Variants in VSIG1 observed in about 807,000 individuals in gnomAD.
VSIG1 encodes the protein V-set and immunoglobulin domain containing 1.
VSIG1 carries 11 observed loss-of-function variants against 20.1 expected under a neutral mutation model. The ratio of observed to expected loss-of-function variants is 0.55; its 90% CI spans 0.34 to 0.91. The LOEUF (loss-of-function observed/expected upper bound fraction) is 0.91, where lower values mean the gene tolerates loss of function less well. VSIG1 is among the 40% of genes least tolerant of loss of function. The probability of loss-of-function intolerance (pLI) is 0.02; values close to 1 mark genes in which losing one functional copy is unlikely to be tolerated. For synonymous variants in VSIG1, 126 were observed against 116.7 expected (o/e 1.08, Z -0.52); for missense variants, 283 against 298.8 (o/e 0.95, Z 0.39).
upstream of VSIG1, chrX:108,044,908 A>T: frequency 6.7e-6 from 2 of 297,596 alleles, no homozygotes; most frequent in Non-Finnish European, 1.2e-5. Context: ...CACAGTAGCA[A>T]ATATATCAAG....
At chrX:108,062,037 C>T (rs376255057) in intron 2 of VSIG1, among the ~76,000 whole-genome samples, 8 of 110,052 alleles carry the variant, frequency 7.3e-5, no homozygotes, top group East Asian at 2.9e-4. Flanking sequence ...AGCAGGGAAT[C>T]TCAGCTGAAA....
intron 5 of VSIG1, chrX:108,073,940 A>G (rs891992376): frequency 1.8e-5 from 2 of 111,682 alleles, no homozygotes; most frequent in Non-Finnish European, 3.8e-5. Flanking sequence ...TGACTTGCCC[A>G]AGGTCATCCA....
At chrX:108,041,402 T>C (rs1402083451), upstream of VSIG1, among the ~76,000 whole-genome samples, 1 of 111,865 alleles carries the variant, frequency 8.9e-6, no homozygotes, top group Admixed American at 9.5e-5. Context: ...TATCATGAAA[T>C]ACCATGCAGC....
At chrX:108,070,146 C>T (rs192087218) in intron 3 of VSIG1, among the ~76,000 whole-genome samples, 9 of 112,557 alleles carry the variant, frequency 8.0e-5, no homozygotes, top group East Asian at 2.8e-4. Flanking sequence ...ATCTACCTTC[C>T]GCAATTTGGC....
At chrX:108,043,339 A>G (rs1394190378), upstream of VSIG1, among the ~76,000 whole-genome samples, 1 of 111,852 alleles carries the variant, frequency 8.9e-6, no homozygotes, top group Non-Finnish European at 1.9e-5. Context: ...GCGTGCAGTC[A>G]ACGAGTTTAC....
chrX:108,026,570 T>C, the VSIG1 span, among the ~76,000 whole-genome samples: 1 of 111,462 alleles, frequency 9.0e-6, no homozygotes, highest in East Asian at 2.8e-4. Flanking sequence ...GCTGTCTGTG[T>C]ATATGTTAGC....
chrX:108,038,865 T>C, the VSIG1 span, among the ~76,000 whole-genome samples: 1 of 111,931 alleles, frequency 8.9e-6, no homozygotes, highest in South Asian at 3.7e-4. Flanking sequence ...TTTAATAATA[T>C]GTTTTACTTA....
At chrX:108,040,712 T>C (rs2030465633), upstream of VSIG1, among the ~76,000 whole-genome samples, 2 of 112,120 alleles carry the variant, frequency 1.8e-5, no homozygotes, top group South Asian at 3.7e-4. Context: ...TATCATGAAA[T>C]ACCATGCAGC....
At chrX:108,066,822 G>A in intron 2 of VSIG1, 114 bp from the exon 3 acceptor site, 2 of 702,201 alleles carry the variant, frequency 2.8e-6, no homozygotes, top group African/African-American at 4.3e-5. Flanking sequence ...TGTTCCTGGT[G>A]GGGGGAAGAT....
intron 3 of VSIG1, 98 bp from the exon 4 acceptor site, chrX:108,072,579 C>A: frequency 1.1e-6 from 1 of 878,485 alleles, no homozygotes; most frequent in South Asian, 2.6e-5. Flanking sequence ...AATAAATAAA[C>A]ACACATATTA....
chrX:108,052,249 A>T (rs2030800028), intron 1 of VSIG1, among the ~76,000 whole-genome samples: 2 of 111,400 alleles, frequency 1.8e-5, no homozygotes, highest in African/African-American at 6.5e-5. Context: ...CCAAAAAAGT[A>T]TTCAAAAAAA....
At chrX:108,048,896 G>GT (rs1260996001) in intron 1 of VSIG1, among the ~76,000 whole-genome samples, 1 of 112,592 alleles carries the variant, frequency 8.9e-6, no homozygotes, top group Non-Finnish European at 1.9e-5. Flanking sequence ...GGACAGCACT[G>GT]TAAGGGTGAG....
chrX:108,032,233 G>A, the VSIG1 span, among the ~76,000 whole-genome samples: 1 of 112,323 alleles, frequency 8.9e-6, no homozygotes, highest in African/African-American at 3.2e-5. Flanking sequence ...GGAAGCCTGA[G>A]ACATAAGAGA....
At chrX:108,061,163 G>C (rs185196441) in intron 2 of VSIG1, among the ~76,000 whole-genome samples, 1 of 112,815 alleles carries the variant, frequency 8.9e-6, no homozygotes, top group East Asian at 2.8e-4. Context: ...ATGGGATTTG[G>C]CCTCCATTTC....
chrX:108,065,867 A>G (rs766187908), intron 2 of VSIG1, among the ~76,000 whole-genome samples: 97 of 112,112 alleles, frequency 8.7e-4, no homozygotes, highest in African/African-American at 3.1e-3. Context: ...TTTGGAAAAC[A>G]TTACTCTCTT....
chrX:108,058,321 A>G, intron 2 of VSIG1, 120 bp downstream of exon 2: 2 of 724,627 alleles, frequency 2.8e-6, no homozygotes, highest in Middle Eastern at 3.4e-4. Context: ...CAGGAATCTC[A>G]GATACAAAAA....
intron 3 of VSIG1, among the ~76,000 whole-genome samples, chrX:108,072,410 G>A (rs1728435248): frequency 2.7e-5 from 3 of 110,086 alleles, no homozygotes; most frequent in Non-Finnish European, 5.7e-5. Flanking sequence ...CCACCACCAC[G>A]CCCAGCTAAT....
the VSIG1 span, among the ~76,000 whole-genome samples, chrX:108,033,821 A>C: frequency 9.0e-6 from 1 of 110,566 alleles, no homozygotes; most frequent in Admixed American, 9.7e-5. Context: ...AAAATTAGAA[A>C]GCTCACTGCC....
At chrX:108,025,602 A>C in the VSIG1 span, among the ~76,000 whole-genome samples, 6 of 112,842 alleles carry the variant, frequency 5.3e-5, no homozygotes, top group African/African-American at 1.9e-4. Flanking sequence ...TAGATATTTC[A>C]AGCTGTAAGC....
Sources: allele counts gnomAD v4.1 joint callset (sites outside exome capture counted in the v4.1 genomes callset), GRCh38; gene constraint gnomAD v4.1.1; transcripts MANE v1.5; gene names NCBI Gene and HGNC (gene_info 2026-07-23, HGNC 2026-07-21).